Variants in KCTD1 observed in about 807,000 individuals in gnomAD.
The protein encoded by KCTD1 is potassium channel tetramerization domain containing 1.
KCTD1 carries 24 observed loss-of-function variants against 66.0 expected under a neutral mutation model. That is an observed-to-expected ratio of 0.36 (90% CI 0.26 to 0.51). KCTD1 has a LOEUF of 0.51. Among genes scored for constraint, KCTD1 ranks in the 20% least tolerant of loss-of-function variants. KCTD1 has a pLI of 0.95. For missense variants in KCTD1, 943 were observed against 1,205.2 expected (o/e 0.78, Z 3.22); for synonymous variants, 511 against 517.2 (o/e 0.99, Z 0.16).
At chr18:26,467,799 A>G (rs1208733340) in intron 3 of KCTD1, among the ~76,000 whole-genome samples, 2 of 152,128 alleles carry the variant, frequency 1.3e-5, no homozygotes, top group Non-Finnish European at 2.9e-5. Context: ...TGGGTGACAG[A>G]GCGAGACCCT....
chr18:26,614,374 A>T (rs183648626), intron 1 of KCTD1, among the ~76,000 whole-genome samples: 1 of 152,380 alleles, frequency 6.6e-6, no homozygotes, highest in Admixed American at 6.5e-5. Context: ...AATAGAAAAA[A>T]TCCATGACTA....
chr18:26,512,218 C>T (rs1464126707), intron 1 of KCTD1, among the ~76,000 whole-genome samples: 2 of 151,984 alleles, frequency 1.3e-5, no homozygotes, highest in Non-Finnish European at 2.9e-5. Context: ...ATTCTCTTGC[C>T]TCAGCCTCCC....
chr18:26,462,062 C>A (rs2020998), intron 3 of KCTD1, among the ~76,000 whole-genome samples: 56,624 of 152,104 alleles, frequency 0.37, 12,719 homozygotes, highest in South Asian at 0.57. Flanking sequence ...GAAGTCCTCC[C>A]CATGCTGACC....
intron 1 of KCTD1, among the ~76,000 whole-genome samples, chr18:26,605,722 CTATA>C (rs1356679344): frequency 2.1e-5 from 2 of 97,384 alleles, no homozygotes; most frequent in Non-Finnish European, 4.2e-5. Context: ...ATATATATCT[CTATA>C]TCTATCTATC....
At chr18:26,494,608 T>C (rs1274965041) in intron 2 of KCTD1, among the ~76,000 whole-genome samples, 1 of 152,222 alleles carries the variant, frequency 6.6e-6, no homozygotes, top group African/African-American at 2.4e-5. Context: ...TTCATTGTTT[T>C]TTTAAAAGTC....
intron 1 of KCTD1, among the ~76,000 whole-genome samples, chr18:26,525,596 T>G (rs992491480): frequency 6.6e-6 from 1 of 152,220 alleles, no homozygotes; most frequent in Non-Finnish European, 1.5e-5. Flanking sequence ...CCTTGGCAAT[T>G]TCTTTCCCAA....
Position 26,548,477 on chromosome 18 carries a change from A to G in KCTD1, c.60T>C (p.Ala20=), listed in dbSNP as rs1985385289. ...CNTSAGGSAS[A]AAAAAENNGE... The stretch of plus-strand genomic sequence containing the variant: ...CATTGTTCTCGGCGGCGGCGGCGGC[A>G]GCGCTGGCGCTGCCGCCCGCGCTGG... Residue 20 remains alanine (A), a synonymous_variant, in exon 1 of 5, where the codon GCT becomes GCC. Transcript: ENST00000580059. 11 of 1,213,782 alleles carry G rather than the reference A, an allele frequency of 9.1e-6. No individual in the cohort carries two copies. Among genetic ancestry groups the G allele is most frequent in the African/African-American group, 3.2e-5 (2 of 61,698 alleles). The allele number at this position is 1,213,782 out of a possible 1,614,324, so 75.2% of individuals were successfully genotyped here. A position where few individuals can be genotyped will look rare whatever the true frequency, so the allele number is the denominator to read the frequency against.
chr18:26,651,755 G>C (rs1251423150), intron 1 of KCTD1, among the ~76,000 whole-genome samples: 3 of 140,620 alleles, frequency 2.1e-5, no homozygotes, highest in Admixed American at 1.5e-4. Flanking sequence ...CTGTACTCCA[G>C]CCTGGGTGAC....
In KCTD1 at chr18:26,598,402, T is replaced by C. The variant is rs115735274; in HGVS notation, c.-16+30745A>G. On this transcript the variant is annotated intron_variant, in intron 1 of 4. Transcript: ENST00000317932. Reference sequence around the variant, plus strand: ...GATTGTTTTCACTGTTAGACTATTATAAATGACGCTGGAATGAACATTCAT... The same window carrying C: ...GATTGTTTTCACTGTTAGACTATTACAAATGACGCTGGAATGAACATTCAT... Among the ~76,000 whole-genome samples, 691 of 152,230 alleles carry C rather than the reference T, an allele frequency of 4.5e-3. 6 individuals carry two copies. The highest frequency in any genetic ancestry group is 0.016 in the African/African-American group (656 of 41,522).
chr18:26,469,105 A>G (rs1432173040), intron 3 of KCTD1, among the ~76,000 whole-genome samples: 1 of 151,282 alleles, frequency 6.6e-6, no homozygotes, highest in Non-Finnish European at 1.5e-5. Flanking sequence ...ACAGCCTGTC[A>G]CCAGAGGTTC....
Position 26,588,297 on chromosome 18 carries a change from A to AGGAAGGGAAG in KCTD1, c.-16+40840_-16+40849dup, listed in dbSNP as rs200190341. Among the ~76,000 whole-genome samples the AGGAAGGGAAG allele has an allele frequency of 7.8e-3, 1,107 of 141,072 alleles. 18 individuals carry two copies. The highest frequency in any genetic ancestry group is 0.026 in the African/African-American group (994 of 38,392). The allele number at this position is 141,072 out of a possible 152,430, so 92.5% of individuals were successfully genotyped here. A position where few individuals can be genotyped will look rare whatever the true frequency, so the allele number is the denominator to read the frequency against. ...AGAAAGAAAAGAAAGAAAGAGGGAA[A>AGGAAGGGAAG]GGAAGGGAAGGGAAGGGAAGGGAAG... On this transcript the variant is annotated intron_variant, in intron 1 of 4. Transcript: ENST00000317932.
At chr18:26,490,612 G>A (rs1205379084) in intron 2 of KCTD1, among the ~76,000 whole-genome samples, 1 of 152,168 alleles carries the variant, frequency 6.6e-6, no homozygotes, top group African/African-American at 2.4e-5. Flanking sequence ...TGGGGTGGCT[G>A]AGTTGCTCCA....
At chr18:26,570,256 T>C (rs1290509787) in intron 1 of KCTD1, among the ~76,000 whole-genome samples, 1 of 150,290 alleles carries the variant, frequency 6.7e-6, no homozygotes, top group Non-Finnish European at 1.5e-5. Flanking sequence ...GGAAATCATG[T>C]TTCAGCTGAC....
At chr18:26,657,354 T>G in intron 1 of KCTD1, 1 of 985,428 alleles carries the variant, frequency 1.0e-6, no homozygotes, top group Non-Finnish European at 1.2e-6. Context: ...AACCGTCAGA[T>G]CTTACCTGAA....
chr18:26,465,070 A>G (rs1324281707), intron 3 of KCTD1, among the ~76,000 whole-genome samples: 2 of 152,024 alleles, frequency 1.3e-5, no homozygotes, highest in Non-Finnish European at 2.9e-5. Context: ...CTGGCCTTGT[A>G]ATACTCCTTT....
chr18:26,530,774 C>T (rs1283771775), intron 1 of KCTD1, among the ~76,000 whole-genome samples: 2 of 152,206 alleles, frequency 1.3e-5, no homozygotes, highest in African/African-American at 4.8e-5. Context: ...TATGTAACAA[C>T]TATTTAAGGG....
chr18:26,651,025 GCAAA>G (rs1988021159), intron 1 of KCTD1, among the ~76,000 whole-genome samples: 1 of 152,224 alleles, frequency 6.6e-6, no homozygotes, highest in South Asian at 2.1e-4. Flanking sequence ...GTACTTGTGA[GCAAA>G]CGATTTGCTC....
intron 2 of KCTD1, among the ~76,000 whole-genome samples, chr18:26,489,973 A>G (rs760723329): frequency 6.6e-6 from 1 of 152,228 alleles, no homozygotes; most frequent in Non-Finnish European, 1.5e-5. Context: ...TGATAAGGGT[A>G]GACTCGAAAT....
At chr18:26,497,517 G>C (rs1048942876) in intron 2 of KCTD1, among the ~76,000 whole-genome samples, 2 of 152,184 alleles carry the variant, frequency 1.3e-5, no homozygotes, top group African/African-American at 2.4e-5. Flanking sequence ...AGGAGCACCC[G>C]ACGCTATGGG....
Sources: gnomAD v4.1 joint callset for allele counts (sites outside exome capture counted in the v4.1 genomes callset) on GRCh38, gnomAD v4.1.1 for gene constraint, MANE v1.5 for transcripts, NCBI Gene and HGNC (gene_info 2026-07-23, HGNC 2026-07-21) for gene names.